The following GLIS3 variants were observed in gnomAD, a reference collection of about 807,000 sequenced individuals.
GLIS3 encodes zinc finger protein GLIS3.
GLIS3 carries 53 observed loss-of-function variants against 78.6 expected under a neutral mutation model. The observed-to-expected ratio is 0.67, with a 90% CI of 0.54 to 0.85. The LOEUF is 0.85. GLIS3 is among the 40% of genes least tolerant of loss of function. GLIS3 has a pLI of 0.00. For synonymous variants in GLIS3, 684 were observed against 509.9 expected (o/e 1.34, Z -4.60); for missense variants, 1,703 against 1,231.1 (o/e 1.38, Z -5.74).
At chr9:3,999,197 A>G (rs77677731) in intron 4 of GLIS3, among the ~76,000 whole-genome samples, 2,199 of 152,252 alleles carry the variant, frequency 0.014, 67 homozygotes, top group African/African-American at 0.05. Context: ...CGCAGATTTG[A>G]GTTTTCAATA....
the GLIS3 span, among the ~76,000 whole-genome samples, chr9:4,485,707 C>T: frequency 6.7e-6 from 1 of 149,098 alleles, no homozygotes; most frequent in South Asian, 2.1e-4. Flanking sequence ...ACTTTTGAGA[C>T]TCCTGCCTCT....
chr9:4,427,589 T>C, the GLIS3 span, among the ~76,000 whole-genome samples: 1 of 152,188 alleles, frequency 6.6e-6, no homozygotes, highest in Non-Finnish European at 1.5e-5. Flanking sequence ...CTGGGCGCAG[T>C]GGCTCACACC....
At chr9:4,185,331 C>A (rs1392688432) in intron 2 of GLIS3, among the ~76,000 whole-genome samples, 1 of 152,064 alleles carries the variant, frequency 6.6e-6, no homozygotes, top group East Asian at 1.9e-4. Context: ...TATGGCTAAA[C>A]TGTATTTTGT....
the GLIS3 span, among the ~76,000 whole-genome samples, chr9:4,425,691 C>T: frequency 1.3e-5 from 2 of 152,216 alleles, no homozygotes. Flanking sequence ...GACAGAAGCT[C>T]CAGTTCCTGC....
intron 2 of GLIS3, among the ~76,000 whole-genome samples, chr9:4,332,957 A>G (rs952785116): frequency 2.6e-5 from 4 of 152,334 alleles, no homozygotes; most frequent in Non-Finnish European, 4.4e-5. Flanking sequence ...TCTTGATTCA[A>G]TGTTAACGTT....
the GLIS3 span, among the ~76,000 whole-genome samples, chr9:4,415,420 G>A: frequency 6.6e-6 from 1 of 152,184 alleles, no homozygotes; most frequent in South Asian, 2.1e-4. Context: ...TTGTGCACAA[G>A]GTCATACTTT....
chr9:4,318,174 G>A (rs1817468162), intron 2 of GLIS3, among the ~76,000 whole-genome samples: 1 of 152,112 alleles, frequency 6.6e-6, no homozygotes, highest in East Asian at 1.9e-4. Context: ...AGAAGTGGTG[G>A]GTGGAAGGCA....
the GLIS3 span, among the ~76,000 whole-genome samples, chr9:4,484,282 G>T: frequency 6.7e-6 from 1 of 148,260 alleles, no homozygotes; most frequent in African/African-American, 2.5e-5. Context: ...CTGTCGCCCA[G>T]GCTAGAGTGC....
upstream of GLIS3, among the ~76,000 whole-genome samples, chr9:4,301,140 T>C (rs1817053334): frequency 2.0e-5 from 3 of 151,610 alleles, no homozygotes; most frequent in Admixed American, 2.0e-4. Flanking sequence ...TTGGTCTGTA[T>C]CCATGATATT....
intron 2 of GLIS3, among the ~76,000 whole-genome samples, chr9:4,195,651 G>A (rs779286040): frequency 2.6e-5 from 4 of 152,372 alleles, no homozygotes; most frequent in Non-Finnish European, 2.9e-5. Flanking sequence ...TGGTCCCATC[G>A]ACCGCCCAAG....
chr9:4,280,722 T>C (rs1827469257), intron 2 of GLIS3, among the ~76,000 whole-genome samples: 1 of 152,042 alleles, frequency 6.6e-6, no homozygotes, highest in African/African-American at 2.4e-5. Flanking sequence ...CTTTTTCTCT[T>C]TTGCCTTTTA....
the GLIS3 span, among the ~76,000 whole-genome samples, chr9:4,354,605 C>T: frequency 5.9e-5 from 9 of 152,268 alleles, no homozygotes; most frequent in South Asian, 1.0e-3. Context: ...TTAGCACAGC[C>T]GCACTCACAT....
At chr9:4,117,719 G>A (rs376302126) in intron 4 of GLIS3, 49 bp downstream of exon 4, 108 of 1,611,988 alleles carry the variant, frequency 6.7e-5, no homozygotes, top group Non-Finnish European at 8.9e-5. Flanking sequence ...CGTACGCAAA[G>A]CAAGCCGGGC....
At chr9:4,191,769 G>A (rs757374679) in intron 2 of GLIS3, among the ~76,000 whole-genome samples, 38 of 152,232 alleles carry the variant, frequency 2.5e-4, no homozygotes, top group Non-Finnish European at 4.3e-4. Flanking sequence ...TTAATCATTG[G>A]CTCTACTGGT....
At chr9:3,925,805 G>A (rs750490545) in intron 6 of GLIS3, among the ~76,000 whole-genome samples, 1 of 152,206 alleles carries the variant, frequency 6.6e-6, no homozygotes, top group Non-Finnish European at 1.5e-5. Context: ...AAGTGTTTGA[G>A]ATCTTTATTT....
the GLIS3 span, among the ~76,000 whole-genome samples, chr9:4,356,663 G>C: frequency 2.0e-5 from 3 of 152,202 alleles, no homozygotes; most frequent in East Asian, 1.9e-4. Context: ...ATTTTACAAA[G>C]AGTATGTGAT....
intron 2 of GLIS3, among the ~76,000 whole-genome samples, chr9:4,163,281 C>T (rs1438434238): frequency 6.6e-6 from 1 of 152,186 alleles, no homozygotes; most frequent in Non-Finnish European, 1.5e-5. Flanking sequence ...CGCACGCGCG[C>T]ACACATACCA....
chr9:4,043,663 A>G (rs1825015280), intron 4 of GLIS3, among the ~76,000 whole-genome samples: 1 of 152,176 alleles, frequency 6.6e-6, no homozygotes, highest in Non-Finnish European at 1.5e-5. Context: ...CTTCTTCTCT[A>G]CAAGTCCCAA....
At chr9:4,441,189 G>A in the GLIS3 span, among the ~76,000 whole-genome samples, 1 of 152,124 alleles carries the variant, frequency 6.6e-6, no homozygotes, top group Non-Finnish European at 1.5e-5. Context: ...CTAGTATTAT[G>A]CTGAGTAAAA....
Sources: allele counts gnomAD v4.1 joint callset (sites outside exome capture counted in the v4.1 genomes callset), GRCh38; gene constraint gnomAD v4.1.1; transcripts MANE v1.5; gene names NCBI Gene and HGNC (gene_info 2026-07-23, HGNC 2026-07-21).